The following POT1 variants were observed in gnomAD, a reference collection of about 807,000 sequenced individuals.
POT1 encodes protection of telomeres protein 1.
A neutral mutation model predicts 78.5 loss-of-function variants in POT1; 47 were observed. The observed-to-expected ratio is 0.60, with a 90% CI of 0.47 to 0.76. The LOEUF is 0.76. Ranked by LOEUF, POT1 falls within the 30% of genes least tolerant of loss-of-function variation. POT1 has a pLI of 0.00. For synonymous variants in POT1, 259 were observed against 260.7 expected (o/e 0.99, Z 0.06); for missense variants, 646 against 749.9 (o/e 0.86, Z 1.62).
intron 5 of POT1, chr7:124,892,879 T>C (rs1277297008): frequency 6.6e-6 from 1 of 151,496 alleles, no homozygotes; most frequent in Non-Finnish European, 1.5e-5. Context: ...GAAAATACTT[T>C]TTTTTAAATA....
rs1226322093 is a variant in POT1, at chr7:124,835,282, T to C, written c.1502A>G (p.Tyr501Cys). Residue 501 changes from tyrosine to cysteine, a missense_variant, in exon 15 of 19, where the codon TAT (tyrosine) becomes TGT (cysteine). Coordinates refer to ENST00000357628, the MANE Select transcript of POT1 (RefSeq NM_015450.3). The part of the protein sequence containing the change: ...PFLIQGTIHH[Y>C]GCKQCSSLRS... ...AAAACAAAACAAAACAAAATACCCA[T>C]AGTGATGTATTGTTCCTTGTATAAG... 6.3e-7 allele frequency: 1 copy of C among 1,598,216 alleles called. No individual in the cohort carries two copies. The highest frequency in any genetic ancestry group is 8.6e-7 in the Non-Finnish European group (1 of 1,169,418).
Position 124,905,371 on chromosome 7 carries a change from G to A in POT1, c.-153-6997C>T, listed in dbSNP as rs545676954. Among the ~76,000 whole-genome samples, 56 of 152,230 alleles carry A rather than the reference G, an allele frequency of 3.7e-4. No homozygotes were observed. The South Asian group carries it at 0.012, about 32-fold the overall frequency. On this transcript the variant is annotated intron_variant, in intron 3 of 18. Coordinates refer to ENST00000357628, the MANE Select transcript of POT1 (RefSeq NM_015450.3). ...TCTTTGACAAACCTGACAATAACAA[G>A]AAATGGAGAAAGGATTCCCTATTCA...
rs761176134 is a variant in POT1 at position 124,841,005 on chromosome 7, G to A, written c.1337C>T (p.Pro446Leu). ...CAAAAGTAGACATTCATTTGAAAGC[G>A]GGAGAATACCATTATTTTTCACAAA... ...VHFVKNNGIL[P>L]LSNECLLLIE... The change falls in exon 14 of 19, where the codon CCG (proline) becomes CTG (leucine). Residue 446 changes from proline (P) to leucine (L), a missense_variant. Physicochemically the swap from Pro to Leu is moderately conservative, Grantham distance 98. Transcript: ENST00000357628. The A allele has an allele frequency of 5.6e-6, 9 of 1,610,102 alleles. No individual in the cohort carries two copies. Among genetic ancestry groups the A allele is most frequent in the South Asian group, 2.2e-5 (2 of 90,918 alleles).
intron 6 of POT1, among the ~76,000 whole-genome samples, chr7:124,872,168 T>A (rs932164450): frequency 6.6e-6 from 1 of 152,196 alleles, no homozygotes; most frequent in Non-Finnish European, 1.5e-5. Context: ...AGAATTTCCT[T>A]TGTATGTCTA....
intron 14 of POT1, 94 bp from the exon 15 acceptor site, chr7:124,835,508 T>G (rs879306685): frequency 2.5e-5 from 33 of 1,330,800 alleles, no homozygotes; most frequent in Non-Finnish European, 3.2e-5. Context: ...AATAAAAGAC[T>G]AAAGGAATTG....
chr7:124,879,479 C>T (rs770327791), intron 6 of POT1, among the ~76,000 whole-genome samples: 3 of 152,114 alleles, frequency 2.0e-5, no homozygotes, highest in African/African-American at 4.8e-5. Flanking sequence ...TGTGGAGTAA[C>T]TGGCATTAAT....
chr7:124,923,633 C>T (rs1797203946), intron 2 of POT1, among the ~76,000 whole-genome samples: 1 of 151,522 alleles, frequency 6.6e-6, no homozygotes, highest in South Asian at 2.1e-4. Flanking sequence ...TGAAAACTTC[C>T]TAAGTCTAGC....
At chr7:124,852,796 C>T (rs1308824528) in intron 10 of POT1, among the ~76,000 whole-genome samples, 176 bp downstream of exon 10, 2 of 152,058 alleles carry the variant, frequency 1.3e-5, no homozygotes, top group African/African-American at 4.8e-5. Flanking sequence ...GGCTCTGCTA[C>T]TACTTAGCTC....
At chr7:124,836,542 A>G (rs1794904706) in intron 14 of POT1, among the ~76,000 whole-genome samples, 1 of 152,222 alleles carries the variant, frequency 6.6e-6, no homozygotes, top group African/African-American at 2.4e-5. Flanking sequence ...TCAAAACTGC[A>G]ATAGGTGACC....
At chr7:124,911,542 C>G (rs1274215421) in intron 3 of POT1, among the ~76,000 whole-genome samples, 2 of 152,144 alleles carry the variant, frequency 1.3e-5, no homozygotes, top group African/African-American at 2.4e-5. Context: ...AGCTTTAGGA[C>G]ATGAACTGTA....
At chr7:124,926,924 G>A (rs1181816032) in intron 2 of POT1, among the ~76,000 whole-genome samples, 3 of 152,228 alleles carry the variant, frequency 2.0e-5, no homozygotes, top group East Asian at 1.9e-4. Context: ...GAAACTTGGA[G>A]GGGTAGGGGA....
intron 7 of POT1, among the ~76,000 whole-genome samples, chr7:124,866,303 T>G (rs1329529451): frequency 2.1e-5 from 2 of 95,302 alleles, no homozygotes; most frequent in Non-Finnish European, 4.7e-5. Context: ...GTGAGCTACT[T>G]TTGGGGGGTG....
chr7:124,897,020 A>G (rs1187018395), intron 5 of POT1, 145 bp downstream of exon 5: 1 of 413,840 alleles, frequency 2.4e-6, no homozygotes, highest in Non-Finnish European at 4.4e-6. Flanking sequence ...GCTATAAAAA[A>G]GTAAAGATTA....
intron 17 of POT1, among the ~76,000 whole-genome samples, chr7:124,825,565 G>C (rs1011476660): frequency 1.3e-5 from 2 of 151,852 alleles, no homozygotes; most frequent in East Asian, 3.9e-4. Flanking sequence ...TGAGATACAC[G>C]TAATCAAGTA....
Position 124,835,359 on chromosome 7 carries a change from A to G in POT1, c.1425T>C (p.Pro475=), listed in dbSNP as rs1480377244. 1 of 1,614,022 alleles carries G rather than the reference A, an allele frequency of 6.2e-7. No homozygotes were observed. Among genetic ancestry groups the G allele is most frequent in the African/African-American group, 1.3e-5 (1 of 74,930 alleles). ...CCAGGTCTTCGTGGCCAGATCTCACAGGAATTACACTATTAAACTTGTTCG... is the reference window on the plus strand; with the variant it reads ...CCAGGTCTTCGTGGCCAGATCTCACGGGAATTACACTATTAAACTTGTTCG... ...KLSNKFNSVI[P]VRSGHEDLEL... The change falls in exon 15 of 19, where the codon CCT becomes CCC. Residue 475 remains proline (P), a synonymous_variant. Transcript: ENST00000357628.
chr7:124,851,535 G>A (rs933058844), intron 11 of POT1, among the ~76,000 whole-genome samples: 1 of 152,164 alleles, frequency 6.6e-6, no homozygotes, highest in Non-Finnish European at 1.5e-5. Context: ...TGGGTTATGC[G>A]AAATAAGTGG....
chr7:124,923,348 C>G (rs185992577), intron 2 of POT1, among the ~76,000 whole-genome samples: 20 of 151,502 alleles, frequency 1.3e-4, no homozygotes, highest in Non-Finnish European at 1.6e-4. Flanking sequence ...AAAACGGAAA[C>G]CATGAATTAA....
chr7:124,859,016 T>A lies in POT1; in HGVS notation c.643A>T (p.Asn215Tyr). The change falls in exon 9 of 19, where the codon AAT becomes TAT. Residue 215 changes from asparagine (N) to tyrosine (Y), a missense_variant. Around this residue, in one of 2 missense-constraint regions of POT1, gnomAD observed 252 missense variants for 341.4 expected, o/e 0.74. Transcript: ENST00000357628. ...GDLSHIHRLQ[N>Y]LTIDILVYDN... ...TAGACTAAAATGTCTATTGTCAGAT[T>A]TTGTAGCCGATGGATGTGACTTAAA... 6.2e-7 allele frequency: 1 copy of A among 1,611,110 alleles called. No homozygotes were observed. The highest frequency in any genetic ancestry group is 1.1e-5 in the South Asian group (1 of 90,720).
rs181463781 is a variant in POT1 at position 124,832,715 on chromosome 7, G to C, written c.1505+2564C>G. ...TGCCTGTAGTCCCAGCTACTCGGCG[G>C]GGGGGTTGAGACAGGAGAATCGCTT... is the stretch of plus-strand genomic sequence containing the variant. On this transcript the variant is annotated intron_variant, in intron 15 of 18. Coordinates refer to ENST00000357628, the MANE Select transcript of POT1 (RefSeq NM_015450.3). 1.1e-4 allele frequency among the ~76,000 whole-genome samples: 17 copies of C among 152,006 alleles called. No individual in the cohort carries two copies. In the East Asian group the frequency reaches 3.3e-3, roughly 29 times the overall value.
Sources: allele counts gnomAD v4.1 joint callset (sites outside exome capture counted in the v4.1 genomes callset), GRCh38; gene constraint gnomAD v4.1.1; regional missense constraint gnomAD v4.1.1; transcripts MANE v1.5; gene names NCBI Gene and HGNC (gene_info 2026-07-23, HGNC 2026-07-21).